Variants in DNER observed in about 807,000 individuals in gnomAD.
DNER encodes delta and Notch-like epidermal growth factor-related receptor.
In DNER, 33 loss-of-function variants were observed where a neutral mutation model predicts 78.2. The ratio of observed to expected loss-of-function variants is 0.42; its 90% CI spans 0.32 to 0.56. The LOEUF (loss-of-function observed/expected upper bound fraction) is 0.56, where lower values mean the gene tolerates loss of function less well. DNER is among the 20% of genes least tolerant of loss of function. DNER has a pLI of 0.11. For synonymous variants in DNER, 417 were observed against 384.8 expected (o/e 1.08, Z -0.98); for missense variants, 918 against 975.3 (o/e 0.94, Z 0.78).
At chr2:229,478,142 GTTAT>G (rs1411849287) in intron 6 of DNER, among the ~76,000 whole-genome samples, 1 of 152,200 alleles carries the variant, frequency 6.6e-6, no homozygotes, top group Non-Finnish European at 1.5e-5. Flanking sequence ...CCTTGGTTAT[GTTAT>G]TTGAGTGACA....
intron 8 of DNER, among the ~76,000 whole-genome samples, chr2:229,428,074 CAAA>C (rs11358575): frequency 7.5e-5 from 7 of 93,168 alleles, no homozygotes; most frequent in Admixed American, 1.1e-4. Flanking sequence ...GATTCCATCT[CAAA>C]AAAAAAAAAA....
chr2:229,609,163 C>T (rs926045012), intron 1 of DNER, among the ~76,000 whole-genome samples: 25 of 152,288 alleles, frequency 1.6e-4, no homozygotes, highest in Non-Finnish European at 2.8e-4. Context: ...GCAGAGGTTG[C>T]AGTGAGCTAA....
intron 11 of DNER, among the ~76,000 whole-genome samples, chr2:229,385,520 G>C (rs1000020461): frequency 5.3e-5 from 8 of 152,154 alleles, no homozygotes; most frequent in African/African-American, 1.9e-4. Flanking sequence ...TAAGAAGAGA[G>C]GAAGTAAAAT....
chr2:229,553,472 C>T (rs1696788629), intron 4 of DNER, among the ~76,000 whole-genome samples: 1 of 152,146 alleles, frequency 6.6e-6, no homozygotes, highest in African/African-American at 2.4e-5. Flanking sequence ...GACAGAGGAA[C>T]ACAGGGGAGC....
At chr2:229,446,814 A>G (rs1694352061) in intron 8 of DNER, among the ~76,000 whole-genome samples, 2 of 152,248 alleles carry the variant, frequency 1.3e-5, no homozygotes, top group African/African-American at 2.4e-5. Flanking sequence ...GTGATATAAC[A>G]TAATGTGCAT....
At chr2:229,392,303 G>A (rs1258885319) in intron 10 of DNER, among the ~76,000 whole-genome samples, 1 of 150,646 alleles carries the variant, frequency 6.6e-6, no homozygotes, top group Non-Finnish European at 1.5e-5. Flanking sequence ...TGAAGACATT[G>A]GACAACAGGA....
At chr2:229,574,731 G>A (rs1302603841) in intron 4 of DNER, among the ~76,000 whole-genome samples, 2 of 152,078 alleles carry the variant, frequency 1.3e-5, no homozygotes, top group South Asian at 2.1e-4. Context: ...TGAGAGAAAC[G>A]CATACTTCTG....
chr2:229,597,850 C>T (rs1697750331), intron 1 of DNER, among the ~76,000 whole-genome samples: 1 of 152,122 alleles, frequency 6.6e-6, no homozygotes, highest in Non-Finnish European at 1.5e-5. Context: ...AGACTTTTCA[C>T]CCGTGTCAAA....
At chr2:229,672,613 A>G (rs972677815) in intron 1 of DNER, among the ~76,000 whole-genome samples, 4 of 151,454 alleles carry the variant, frequency 2.6e-5, no homozygotes, top group Admixed American at 2.6e-4. Context: ...TGAGGGAGGG[A>G]GAGAAGAAGA....
intron 4 of DNER, 59 bp from the exon 5 acceptor site, chr2:229,547,151 T>TTGAAA (rs1696644332): frequency 6.3e-7 from 1 of 1,594,748 alleles, no homozygotes; most frequent in Non-Finnish European, 8.5e-7. Context: ...AGGCAGTGTG[T>TTGAAA]TGAAAGCTTT....
chr2:229,410,859 C>A (rs1180031916), intron 9 of DNER, among the ~76,000 whole-genome samples: 7 of 152,170 alleles, frequency 4.6e-5, no homozygotes, highest in Non-Finnish European at 8.8e-5. Context: ...AGAAACGAAG[C>A]CAGTAAAGAA....
chr2:229,474,377 C>CT (rs778569240), intron 7 of DNER, among the ~76,000 whole-genome samples: 2 of 152,204 alleles, frequency 1.3e-5, no homozygotes, highest in Non-Finnish European at 2.9e-5. Context: ...TTCTTCTAAA[C>CT]TCTAATGAAA....
At chr2:229,540,446 C>G (rs1213596977) in intron 5 of DNER, among the ~76,000 whole-genome samples, 1 of 152,036 alleles carries the variant, frequency 6.6e-6, no homozygotes, top group East Asian at 1.9e-4. Flanking sequence ...ACAGGGAGCC[C>G]TAAAAAGGAG....
chr2:229,590,027 A>C (rs944049086), intron 2 of DNER, among the ~76,000 whole-genome samples: 1 of 125,914 alleles, frequency 7.9e-6, no homozygotes, highest in Non-Finnish European at 1.6e-5. Context: ...ACTCTAATAC[A>C]TGCTATGCAA....
chr2:229,382,311 A>G (rs1692758559), intron 11 of DNER, among the ~76,000 whole-genome samples: 1 of 152,202 alleles, frequency 6.6e-6, no homozygotes, highest in African/African-American at 2.4e-5. Flanking sequence ...GATGAGGAAA[A>G]ACCAGCACAA....
intron 6 of DNER, among the ~76,000 whole-genome samples, chr2:229,490,913 C>A (rs766678538): frequency 6.6e-6 from 1 of 152,186 alleles, no homozygotes; most frequent in Non-Finnish European, 1.5e-5. Context: ...TTATCTCTAG[C>A]CTGATAAATG....
intron 6 of DNER, among the ~76,000 whole-genome samples, chr2:229,509,969 A>G (rs1409220664): frequency 6.6e-6 from 1 of 152,196 alleles, no homozygotes; most frequent in Non-Finnish European, 1.5e-5. Flanking sequence ...TGAAGCCTGC[A>G]GCCAAGACTT....
At chr2:229,533,033 G>T (rs1304824318) in intron 5 of DNER, among the ~76,000 whole-genome samples, 4 of 152,186 alleles carry the variant, frequency 2.6e-5, no homozygotes, top group Non-Finnish European at 5.9e-5. Context: ...TTGACCCAGA[G>T]CTGTTACAAG....
At chr2:229,466,358 C>T (rs1187443476) in intron 7 of DNER, among the ~76,000 whole-genome samples, 1 of 152,204 alleles carries the variant, frequency 6.6e-6, no homozygotes, top group Non-Finnish European at 1.5e-5. Flanking sequence ...CTGCTTTTCT[C>T]TCTTCCTGAA....
Sources: allele counts gnomAD v4.1 joint callset (sites outside exome capture counted in the v4.1 genomes callset), GRCh38; gene constraint gnomAD v4.1.1; transcripts MANE v1.5; gene names NCBI Gene and HGNC (gene_info 2026-07-23, HGNC 2026-07-21).